Variants in MRRF observed in about 807,000 individuals in gnomAD.
MRRF encodes ribosome-recycling factor, mitochondrial.
Under a neutral mutation model 25.1 loss-of-function variants are expected in MRRF, and 18 were observed. That is an observed-to-expected ratio of 0.72 (90% CI 0.50 to 1.06). The LOEUF is 1.06. Among genes scored for constraint, MRRF ranks in the 50% least tolerant of loss-of-function variants. The probability of loss-of-function intolerance (pLI) is 0.00; values close to 1 mark genes in which losing one functional copy is unlikely to be tolerated. For synonymous variants in MRRF, 113 were observed against 112.1 expected (o/e 1.01, Z -0.05); for missense variants, 323 against 319.3 (o/e 1.01, Z -0.09).
rs536050415 is a variant in MRRF, at chr9:122,299,106, G to A, written c.551+7266G>A. On this transcript the variant is annotated intron_variant, in intron 5 of 6. Transcript: ENST00000344641. ...GAGTGAGGAAAGAGAAATAGAAGATGAGGGCCAGGTGCAGTGGCTCATACC... is the reference window on the plus strand; with the variant it reads ...GAGTGAGGAAAGAGAAATAGAAGATAAGGGCCAGGTGCAGTGGCTCATACC... Among the ~76,000 whole-genome samples, 16 of 151,922 alleles carry A rather than the reference G, an allele frequency of 1.1e-4. No individual in the cohort carries two copies. In the East Asian group the frequency reaches 3.0e-3, roughly 28 times the overall value.
intron 5 of MRRF, among the ~76,000 whole-genome samples, chr9:122,302,981 G>A (rs1834568494): frequency 6.6e-6 from 1 of 151,970 alleles, no homozygotes; most frequent in African/African-American, 2.4e-5. Flanking sequence ...TGTGCTTGTT[G>A]GCCATTTGTA....
At chr9:122,303,133 A>G (rs1834577360) in intron 5 of MRRF, among the ~76,000 whole-genome samples, 1 of 152,124 alleles carries the variant, frequency 6.6e-6, no homozygotes, top group African/African-American at 2.4e-5. Context: ...TTTAATTGCA[A>G]AAATAACATA....
At chr9:122,299,518 A>T (rs1834307785) in intron 5 of MRRF, among the ~76,000 whole-genome samples, 2 of 152,112 alleles carry the variant, frequency 1.3e-5, no homozygotes, top group Admixed American at 1.3e-4. Flanking sequence ...CAGAGGACAG[A>T]TGTGGGCTAG....
Position 122,296,089 on chromosome 9 carries a change from A to C in MRRF, c.551+4249A>C, listed in dbSNP as rs115515320. Among the ~76,000 whole-genome samples the C allele has an allele frequency of 1.3e-3, 198 of 152,200 alleles. 1 individual carries two copies. The highest frequency in any genetic ancestry group is 6.8e-3 in the Middle Eastern group (2 of 292). On this transcript the variant is annotated intron_variant, in intron 5 of 6. Coordinates refer to ENST00000344641, the MANE Select transcript of MRRF (RefSeq NM_138777.5). ...TGGAGCCTGAGTGGTCCTTATCATC[A>C]AGACCTCTTTTTACAGCCTCTGAGA... is the stretch of plus-strand genomic sequence containing the variant.
intron 5 of MRRF, among the ~76,000 whole-genome samples, chr9:122,295,477 A>T (rs1834029195): frequency 1.4e-5 from 2 of 147,044 alleles, no homozygotes; most frequent in African/African-American, 5.1e-5. Context: ...ATGGAGTCTT[A>T]CTGTGTAGCC....
chr9:122,280,637 G>T, intron 3 of MRRF, 39 bp downstream of exon 3: 1 of 1,602,608 alleles, frequency 6.2e-7, no homozygotes, highest in African/African-American at 1.3e-5. Context: ...GGGATGTAAT[G>T]GAAAGAGCAT....
At chr9:122,296,093 C>G (rs1834067501) in intron 5 of MRRF, among the ~76,000 whole-genome samples, 1 of 152,016 alleles carries the variant, frequency 6.6e-6, no homozygotes, top group Non-Finnish European at 1.5e-5. Context: ...ATCATCAAGA[C>G]CTCTTTTTAC....
intron 3 of MRRF, among the ~76,000 whole-genome samples, chr9:122,283,642 C>A (rs1022708389): frequency 2.0e-5 from 3 of 152,204 alleles, no homozygotes; most frequent in African/African-American, 7.2e-5. Context: ...CAAATCAGAT[C>A]TTTGGGCCAC....
chr9:122,272,015 A>G (rs887716222), intron 2 of MRRF, among the ~76,000 whole-genome samples: 1 of 152,242 alleles, frequency 6.6e-6, no homozygotes, highest in Non-Finnish European at 1.5e-5. Flanking sequence ...TATTCTGTTA[A>G]TAGTGTTAAT....
rs114178343 is a variant in MRRF, at chr9:122,272,624, T to C, written c.184+1549T>C. The stretch of plus-strand genomic sequence containing the variant: ...AGGCTGCAGAAGTTGGTTGTTTGAC[T>C]TTTTCTTTTAGATTTATTCGATTCT... On this transcript the variant is annotated intron_variant, in intron 2 of 6. Transcript: ENST00000344641. Among the ~76,000 whole-genome samples the C allele has an allele frequency of 3.1e-3, 466 of 152,320 alleles. 3 individuals are homozygous for C. Among genetic ancestry groups the C allele is most frequent in the African/African-American group, 0.01 (428 of 41,570 alleles).
intron 4 of MRRF, chr9:122,285,673 T>C (rs1833349144): frequency 9.8e-6 from 9 of 918,650 alleles, no homozygotes; most frequent in South Asian, 1.7e-5. Flanking sequence ...TAATCAGTGT[T>C]ACCTGATACT....
intron 4 of MRRF, among the ~76,000 whole-genome samples, chr9:122,290,068 A>G (rs1833666610): frequency 6.6e-6 from 1 of 152,004 alleles, no homozygotes; most frequent in South Asian, 2.1e-4. Flanking sequence ...AAAAAAAAGA[A>G]AAAAGAAAAA....
Position 122,324,461 on chromosome 9 carries a change from T to G in MRRF, c.*1844T>G, listed in dbSNP as rs1836058011. 1 of 152,218 alleles carries G rather than the reference T, an allele frequency of 6.6e-6. No individual in the cohort carries two copies. Among genetic ancestry groups the G allele is most frequent in the African/African-American group, 2.4e-5 (1 of 41,452 alleles). The allele number at this position is 152,218 out of a possible 1,614,324, so 9.4% of individuals were successfully genotyped here. On this transcript the variant is annotated 3_prime_UTR_variant, in exon 7 of 7. Coordinates refer to ENST00000344641, the MANE Select transcript of MRRF (RefSeq NM_138777.5). ...GAACCACTGTGTCCTGCTGCCTTCA[T>G]TAGCATTTAGTGAGCACCAATTGTT...
At chr9:122,269,558 C>T (rs1832324685) in intron 1 of MRRF, among the ~76,000 whole-genome samples, 1 of 151,980 alleles carries the variant, frequency 6.6e-6, no homozygotes, top group Non-Finnish European at 1.5e-5. Flanking sequence ...AACCCTGTCT[C>T]TACTAAAAAT....
chr9:122,294,525 T>C (rs1345683790), intron 5 of MRRF, among the ~76,000 whole-genome samples: 1 of 152,246 alleles, frequency 6.6e-6, no homozygotes, highest in East Asian at 1.9e-4. Context: ...TTATATACTT[T>C]CTTCCCTTTG....
chr9:122,306,434 A>C (rs1588068920), intron 5 of MRRF, among the ~76,000 whole-genome samples: 1 of 152,222 alleles, frequency 6.6e-6, no homozygotes, highest in Non-Finnish European at 1.5e-5. Context: ...GGTATTATAC[A>C]CATTTGACAG....
At chr9:122,266,969 T>C (rs2119006545) in intron 1 of MRRF, among the ~76,000 whole-genome samples, 1 of 149,492 alleles carries the variant, frequency 6.7e-6, no homozygotes, top group East Asian at 2.0e-4. Flanking sequence ...ATTTGGGAGG[T>C]TGAGTTAGGA....
intron 3 of MRRF, among the ~76,000 whole-genome samples, chr9:122,281,524 C>T (rs188779384): frequency 8.7e-4 from 132 of 152,328 alleles, no homozygotes; most frequent in Middle Eastern, 3.4e-3. Context: ...AGACTGTTCC[C>T]GTCACTTGTC....
chr9:122,289,143 T>G (rs1382395385), intron 4 of MRRF, among the ~76,000 whole-genome samples: 1 of 152,258 alleles, frequency 6.6e-6, no homozygotes, highest in Non-Finnish European at 1.5e-5. Context: ...TCAGTAGGTT[T>G]CTTTGTAAAA....
Sources: allele counts gnomAD v4.1 joint callset (sites outside exome capture counted in the v4.1 genomes callset), GRCh38; gene constraint gnomAD v4.1.1; transcripts MANE v1.5; gene names NCBI Gene and HGNC (gene_info 2026-07-23, HGNC 2026-07-21).